RIN2: variants seen among roughly 807,000 people sequenced by gnomAD.
RIN2 encodes Ras and Rab interactor 2.
RIN2 carries 36 observed loss-of-function variants against 78.0 expected under a neutral mutation model. That is an observed-to-expected ratio of 0.46 (90% CI 0.35 to 0.61). RIN2 has a LOEUF of 0.61. Among genes scored for constraint, RIN2 ranks in the 20% least tolerant of loss-of-function variants. The pLI, the probability that RIN2 is intolerant of heterozygous loss-of-function variation, is 0.00. For synonymous variants in RIN2, 466 were observed against 466.8 expected (o/e 1.00, Z 0.02); for missense variants, 1,087 against 1,159.7 (o/e 0.94, Z 0.91).
chr20:19,946,889 G>C (rs1035810410), intron 4 of RIN2, among the ~76,000 whole-genome samples: 2 of 151,644 alleles, frequency 1.3e-5, no homozygotes, highest in African/African-American at 4.8e-5. Context: ...AAATTAGCTG[G>C]ACGTGGTGGC....
At chr20:19,942,396 G>A (rs1480991104) in intron 4 of RIN2, among the ~76,000 whole-genome samples, 2 of 152,178 alleles carry the variant, frequency 1.3e-5, no homozygotes, top group Non-Finnish European at 2.9e-5. Context: ...GAGCTGTTCA[G>A]TCTATCTTGA....
intron 2 of RIN2, among the ~76,000 whole-genome samples, chr20:19,825,900 A>G (rs1267822599): frequency 6.6e-6 from 1 of 152,120 alleles, no homozygotes; most frequent in African/African-American, 2.4e-5. Context: ...TAATTATTTC[A>G]TCTGGTCCTA....
chr20:19,964,741 C>T (rs548021394), intron 6 of RIN2, among the ~76,000 whole-genome samples: 7 of 152,266 alleles, frequency 4.6e-5, no homozygotes, highest in Admixed American at 2.6e-4. Flanking sequence ...AGCATGTGCT[C>T]GGCATGAGTC....
intron 2 of RIN2, chr20:19,886,405 C>A (rs1202538897): frequency 8.6e-6 from 3 of 348,152 alleles, no homozygotes; most frequent in South Asian, 9.8e-5. Context: ...ACACGGAAAG[C>A]CACCACTGAG....
chr20:19,819,671 A>G (rs1227019759), intron 2 of RIN2, among the ~76,000 whole-genome samples: 2 of 152,144 alleles, frequency 1.3e-5, no homozygotes, highest in Non-Finnish European at 2.9e-5. Context: ...GGTAGCTGGG[A>G]CCACAGGTGC....
chr20:19,871,138 G>C (rs1163310652), intron 2 of RIN2, among the ~76,000 whole-genome samples: 1 of 152,198 alleles, frequency 6.6e-6, no homozygotes, highest in Non-Finnish European at 1.5e-5. Context: ...AGAAAGACAG[G>C]AGGGATATCT....
intron 9 of RIN2, among the ~76,000 whole-genome samples, chr20:19,989,525 C>T (rs970914924): frequency 2.0e-5 from 3 of 152,184 alleles, no homozygotes; most frequent in African/African-American, 7.2e-5. Flanking sequence ...ATCTGCCTGC[C>T]TCAGCCTCCC....
At chr20:19,791,083 A>G (rs979634114) in intron 1 of RIN2, among the ~76,000 whole-genome samples, 1 of 152,360 alleles carries the variant, frequency 6.6e-6, no homozygotes, top group East Asian at 1.9e-4. Flanking sequence ...GCCCACAAAG[A>G]AAAACAGGAC....
upstream of RIN2, chr20:19,758,149 C>T (rs573905452): frequency 6.6e-6 from 1 of 152,288 alleles, no homozygotes; most frequent in South Asian, 2.1e-4. Context: ...AACACAAAGC[C>T]CTTCCCTCCC....
At chr20:19,938,054 G>T (rs567012554) in intron 4 of RIN2, among the ~76,000 whole-genome samples, 2 of 152,262 alleles carry the variant, frequency 1.3e-5, no homozygotes, top group East Asian at 1.9e-4. Context: ...TGGGACATTT[G>T]CTTGGCTTGG....
chr20:19,865,083 T>A (rs535446018), intron 2 of RIN2, among the ~76,000 whole-genome samples: 1 of 152,314 alleles, frequency 6.6e-6, no homozygotes, highest in Non-Finnish European at 1.5e-5. Flanking sequence ...TTGCTGTAAA[T>A]GTTTACGACT....
chr20:19,988,749 A>AACACATTTC (rs766627519), intron 9 of RIN2, among the ~76,000 whole-genome samples: 7 of 152,352 alleles, frequency 4.6e-5, no homozygotes, highest in Non-Finnish European at 7.3e-5. Context: ...TCGGAACAGA[A>AACACATTTC]ACACATTTCA....
intron 5 of RIN2, among the ~76,000 whole-genome samples, chr20:19,958,552 C>T (rs1447922076): frequency 1.3e-5 from 2 of 152,192 alleles, no homozygotes. Context: ...ACAGGAGTAA[C>T]GTGGACCAGG....
Position 19,788,439 on chromosome 20 carries a change from A to AAAAAAAAAAAAAC in RIN2, c.-162-11173_-162-11172insAACAAAAAAAAAA, listed in dbSNP as rs1555818733. 1.1e-4 allele frequency among the ~76,000 whole-genome samples: 15 copies of AAAAAAAAAAAAAC among 132,994 alleles called. 1 individual carries two copies. The highest frequency in any genetic ancestry group is 4.3e-4 in the African/African-American group (13 of 30,542). 87.2% of individuals were successfully genotyped at this position (132,994 alleles called of 152,430 possible). Reference sequence around the variant, plus strand: ...GCGAAATCCTGTCTCTGCCAAAAAAAAAAAAAAAAACAACTAGCTAGGCAT... The same window carrying AAAAAAAAAAAAAC: ...GCGAAATCCTGTCTCTGCCAAAAAAAAAAAAAAAAAAACAAAAAAAAAACAACTAGCTAGGCAT... On this transcript the variant is annotated intron_variant, in intron 1 of 12. Transcript: ENST00000255006.
At chr20:19,793,697 T>A (rs2034959627) in intron 1 of RIN2, among the ~76,000 whole-genome samples, 1 of 152,226 alleles carries the variant, frequency 6.6e-6, no homozygotes, top group Non-Finnish European at 1.5e-5. Flanking sequence ...GAAACTTATT[T>A]TACTTTGAGT....
intron 2 of RIN2, among the ~76,000 whole-genome samples, chr20:19,845,582 T>G (rs1600601042): frequency 6.6e-6 from 1 of 151,840 alleles, no homozygotes; most frequent in East Asian, 1.9e-4. Flanking sequence ...TGATTTTTTT[T>G]TTTTTTGTAA....
At chr20:19,945,354 T>C (rs6035486) in intron 4 of RIN2, among the ~76,000 whole-genome samples, 13,954 of 152,172 alleles carry the variant, frequency 0.092, 701 homozygotes, top group East Asian at 0.098. Context: ...TGGGTGGCTT[T>C]GATTCCGGAT....
rs183028833 is a variant in RIN2, at chr20:19,886,740, C to T, written c.-36-2826C>T. On this transcript the variant is annotated intron_variant, in intron 2 of 12. Coordinates refer to ENST00000255006, the MANE Select transcript of RIN2 (RefSeq NM_018993.4). ...GCCAGGAAAAGAACAAGCTTCCAAC[C>T]GGTACAAGTCTGGAGGAATTTCACA... 4.8e-3 allele frequency: 7,459 copies of T among 1,545,556 alleles called. 42 individuals are homozygous for T. Among genetic ancestry groups the T allele is most frequent in the Non-Finnish European group, 6.1e-3 (7,006 of 1,145,286 alleles).
At chr20:19,890,942 T>G (rs6035468) in intron 3 of RIN2, among the ~76,000 whole-genome samples, 101,781 of 152,060 alleles carry the variant, frequency 0.67, 35,024 homozygotes, top group African/African-American at 0.84. Flanking sequence ...GCAAGACTAG[T>G]ATATTGAAGT....
Sources: allele counts gnomAD v4.1 joint callset (sites outside exome capture counted in the v4.1 genomes callset), GRCh38; gene constraint gnomAD v4.1.1; transcripts MANE v1.5; gene names NCBI Gene and HGNC (gene_info 2026-07-23, HGNC 2026-07-21).